SFMBT2: variants seen among roughly 807,000 people sequenced by gnomAD.
The protein encoded by SFMBT2 is Scm like with four mbt domains 2, also known as scm-like with four MBT domains protein 2.
In SFMBT2, 38 loss-of-function variants were observed where a neutral mutation model predicts 110.1. The observed-to-expected ratio is 0.35, with a 90% CI of 0.27 to 0.45. SFMBT2 has a LOEUF of 0.45. Ranked by LOEUF, SFMBT2 falls within the 20% of genes least tolerant of loss-of-function variation. The pLI is 1.00. For missense variants in SFMBT2, 1,011 were observed against 1,094.9 expected, an observed-to-expected ratio of 0.92 and a Z score of 1.08; for synonymous variants, 425 against 425.4, an observed-to-expected ratio of 1.00 and a Z score of 0.01.
At chr10:7,262,916 C>T (rs1841254697) in intron 7 of SFMBT2, among the ~76,000 whole-genome samples, 2 of 152,186 alleles carry the variant, frequency 1.3e-5, no homozygotes, top group Non-Finnish European at 2.9e-5. Flanking sequence ...AGATGAACCC[C>T]ACCTCGCAGT....
chr10:7,182,334 A>G (rs1485775378), intron 16 of SFMBT2, among the ~76,000 whole-genome samples: 2 of 152,348 alleles, frequency 1.3e-5, no homozygotes, highest in South Asian at 2.1e-4. Context: ...CAACGCACTC[A>G]GCCTCATTCT....
chr10:7,351,068 A>G (rs546827267), intron 4 of SFMBT2, among the ~76,000 whole-genome samples: 20 of 152,336 alleles, frequency 1.3e-4, no homozygotes, highest in Non-Finnish European at 2.5e-4. Flanking sequence ...ATCAATATGC[A>G]TGACTAACAG....
chr10:7,194,249 G>A (rs890091610), intron 15 of SFMBT2, among the ~76,000 whole-genome samples: 1 of 152,002 alleles, frequency 6.6e-6, no homozygotes, highest in African/African-American at 2.4e-5. Flanking sequence ...GCACCCCCTC[G>A]AATTGAGGCC....
chr10:7,228,681 TTC>T (rs1297684021), intron 9 of SFMBT2, among the ~76,000 whole-genome samples: 1 of 75,876 alleles, frequency 1.3e-5, no homozygotes, highest in Non-Finnish European at 2.6e-5. Context: ...GCTTCTTTCT[TTC>T]TTTCTTTCTT....
Position 7,326,478 on chromosome 10 carries a change from A to C in SFMBT2, c.437-40524T>G, listed in dbSNP as rs141874534. On this transcript the variant is annotated intron_variant, in intron 4 of 20. Transcript: ENST00000397167. ...GCTGCAAAAGCAGACCCTGGAGATC[A>C]CCAGGCCATCTTGTTTAATAGCCTC... 2.9e-3 allele frequency among the ~76,000 whole-genome samples: 438 copies of C among 152,358 alleles called. 2 individuals are homozygous for C. Among genetic ancestry groups the C allele is most frequent in the African/African-American group, 1.0e-2 (415 of 41,580 alleles).
At chr10:7,240,299 T>G (rs1840390066) in intron 9 of SFMBT2, among the ~76,000 whole-genome samples, 1 of 152,188 alleles carries the variant, frequency 6.6e-6, no homozygotes, top group Non-Finnish European at 1.5e-5. Flanking sequence ...ACTGTACCAC[T>G]CACAGTGTAT....
At chr10:7,294,800 C>T (rs1842356742) in intron 4 of SFMBT2, among the ~76,000 whole-genome samples, 1 of 152,146 alleles carries the variant, frequency 6.6e-6, no homozygotes. Flanking sequence ...TATAATCAGA[C>T]TTCTTAAATT....
intron 4 of SFMBT2, among the ~76,000 whole-genome samples, chr10:7,327,606 A>G (rs1186105647): frequency 6.6e-6 from 1 of 151,858 alleles, no homozygotes; most frequent in African/African-American, 2.4e-5. Context: ...ACTTGAAGTC[A>G]GGAGATGGAG....
At chr10:7,168,865 C>T (rs1564363348) in intron 20 of SFMBT2, among the ~76,000 whole-genome samples, 1 of 152,134 alleles carries the variant, frequency 6.6e-6, no homozygotes, top group African/African-American at 2.4e-5. Flanking sequence ...GAAGTCTCTC[C>T]CTGGTTGCTT....
chr10:7,410,353 C>T (rs1006076817), intron 1 of SFMBT2, among the ~76,000 whole-genome samples: 4 of 152,268 alleles, frequency 2.6e-5, no homozygotes, highest in Non-Finnish European at 5.9e-5. Context: ...CTTTTTCTCC[C>T]ACCCAAACCA....
At chr10:7,192,970 A>T (rs1327939753) in intron 15 of SFMBT2, among the ~76,000 whole-genome samples, 1 of 152,178 alleles carries the variant, frequency 6.6e-6, no homozygotes, top group East Asian at 1.9e-4. Flanking sequence ...ACACTGGAGC[A>T]AAAAAACAAG....
At chr10:7,267,452 C>CTGTT (rs772760743) in intron 7 of SFMBT2, among the ~76,000 whole-genome samples, 1 of 152,110 alleles carries the variant, frequency 6.6e-6, no homozygotes, top group Non-Finnish European at 1.5e-5. Flanking sequence ...AGTTGTCTTT[C>CTGTT]TGTTTGTTTG....
chr10:7,385,779 C>A (rs1374589586), intron 1 of SFMBT2, among the ~76,000 whole-genome samples: 1 of 152,024 alleles, frequency 6.6e-6, no homozygotes, highest in Non-Finnish European at 1.5e-5. Flanking sequence ...GCGGGCGGAT[C>A]ACGAGGTCAG....
chr10:7,309,032 C>T (rs1054532496), intron 4 of SFMBT2, among the ~76,000 whole-genome samples: 24 of 152,130 alleles, frequency 1.6e-4, no homozygotes, highest in African/African-American at 5.1e-4. Context: ...TTGACTGGAC[C>T]ACGAGGTGCC....
At chr10:7,228,216 G>C (rs1295029202) in intron 9 of SFMBT2, 1 of 225,424 alleles carries the variant, frequency 4.4e-6, no homozygotes, top group East Asian at 1.8e-4. Context: ...TTGCCATAAG[G>C]GGGAAGAGCT....
At chr10:7,385,658 A>T (rs1845573140) in intron 1 of SFMBT2, among the ~76,000 whole-genome samples, 1 of 152,238 alleles carries the variant, frequency 6.6e-6, no homozygotes, top group African/African-American at 2.4e-5. Context: ...GAAAGGGCAC[A>T]GGGAGAACAC....
rs1331431447 is a variant in SFMBT2, at chr10:7,301,588, A to C, written c.437-15634T>G. Among the ~76,000 whole-genome samples the C allele has an allele frequency of 6.6e-6, 1 of 152,190 alleles. No individual in the cohort carries two copies. Among genetic ancestry groups the C allele is most frequent in the African/African-American group, 2.4e-5 (1 of 41,470 alleles). ...CCCGGGGCCGGCAAATTCGCGGAAC[A>C]CCAGCCAGGGGCATCTCCGCTGCCT... is the stretch of plus-strand genomic sequence containing the variant. On this transcript the variant is annotated intron_variant, in intron 4 of 20. Coordinates refer to ENST00000397167, the MANE Select transcript of SFMBT2 (RefSeq NM_001387889.1). The surrounding 1 kb of genome is among the most constrained non-coding windows in gnomAD (Gnocchi z 4.2).
At chr10:7,354,091 A>AAAAAAAAAAT (rs1365167472) in intron 4 of SFMBT2, among the ~76,000 whole-genome samples, 1 of 151,190 alleles carries the variant, frequency 6.6e-6, no homozygotes, top group Non-Finnish European at 1.5e-5. Flanking sequence ...CCTCTCCAAA[A>AAAAAAAAAAT]AAAAAAAAAT....
chr10:7,227,750 A>G (rs756066103), intron 10 of SFMBT2, 105 bp downstream of exon 10: 5 of 908,428 alleles, frequency 5.5e-6, no homozygotes, highest in Non-Finnish European at 8.7e-6. Context: ...TCTCCAGTGC[A>G]CTGTAATACT....
Sources: gnomAD v4.1 joint callset for allele counts (sites outside exome capture counted in the v4.1 genomes callset) on GRCh38, gnomAD v4.1.1 for gene constraint, Gnocchi (gnomAD v3.1) non-coding constraint, MANE v1.5 for transcripts, NCBI Gene and HGNC (gene_info 2026-07-23, HGNC 2026-07-21) for gene names.